Variants in RHOA observed in about 807,000 individuals in gnomAD.
RHOA encodes the protein transforming protein RhoA.
A neutral mutation model predicts 17.5 loss-of-function variants in RHOA; 3 were observed. The ratio of observed to expected loss-of-function variants is 0.17; its 90% CI spans 0.08 to 0.44. The LOEUF (loss-of-function observed/expected upper bound fraction) is 0.44. RHOA is among the 20% of genes least tolerant of loss of function. The pLI, the probability that RHOA is intolerant of heterozygous loss-of-function variation, is 0.99. For synonymous variants in RHOA, 98 were observed against 88.4 expected, an observed-to-expected ratio of 1.11 and a Z score of -0.61; for missense variants, 56 against 242.3, an observed-to-expected ratio of 0.23 and a Z score of 5.10.
At position 49,368,462 on chromosome 3, in the gene RHOA, C is replaced by T; in HGVS notation, c.243G>A (p.Leu81=). The change falls in exon 3 of 5, where the codon CTG becomes CTA. Residue 81 remains leucine, a synonymous_variant. Transcript: ENST00000418115. Reference sequence around the variant, plus strand: ...CAGGGCTGTCGATGGAAAAACACATCAGTATAACATCGGTATCTGGGTAGG... The same window carrying T: ...CAGGGCTGTCGATGGAAAAACACATTAGTATAACATCGGTATCTGGGTAGG... ...PLSYPDTDVI[L]MCFSIDSPDS... 6.2e-7 allele frequency: 1 copy of T among 1,613,994 alleles called. No individual in the cohort carries two copies. The highest frequency in any genetic ancestry group is 8.5e-7 in the Non-Finnish European group (1 of 1,179,964).
rs747662214 is a variant in RHOA at position 49,362,625 on chromosome 3, T to C, written c.279A>G (p.Glu93=). The change falls in exon 4 of 5, where the codon GAA becomes GAG. Residue 93 remains glutamate (E), a splice_region_variant and synonymous_variant. Transcript: ENST00000418115. ...CTGGGGTCCACTTTTCTGGGATGTT[T>C]TCTGAAAGAAAAATGTAGAGAATTT... ...CFSIDSPDSL[E]NIPEKWTPEV... is the part of the protein sequence containing the mutation. The C allele has an allele frequency of 7.5e-6, 12 of 1,608,204 alleles. No homozygotes were observed. The highest frequency in any genetic ancestry group is 9.3e-6 in the Non-Finnish European group (11 of 1,177,320).
intron 1 of RHOA, among the ~76,000 whole-genome samples, chr3:49,405,010 G>C (rs1238498733): frequency 8.6e-5 from 13 of 151,664 alleles, no homozygotes; most frequent in African/African-American, 2.7e-4. Context: ...CACTTTGGGA[G>C]GCGGAGGCAG....
intron 1 of RHOA, among the ~76,000 whole-genome samples, chr3:49,379,376 G>T (rs370014167): frequency 1.3e-5 from 2 of 152,214 alleles, no homozygotes; most frequent in African/African-American, 2.4e-5. Flanking sequence ...GCAGGGACTT[G>T]GGGGTGGAGA....
chr3:49,364,917 C>A (rs1214527404), intron 3 of RHOA, among the ~76,000 whole-genome samples: 1 of 151,832 alleles, frequency 6.6e-6, no homozygotes, highest in Non-Finnish European at 1.5e-5. Flanking sequence ...GTGCAGTGAG[C>A]TGAGATCGCA....
chr3:49,382,622 T>G (rs979643263), intron 1 of RHOA, among the ~76,000 whole-genome samples: 2 of 151,284 alleles, frequency 1.3e-5, no homozygotes, highest in Non-Finnish European at 2.9e-5. Flanking sequence ...AGTGACACAG[T>G]AAGACCCTGT....
intron 1 of RHOA, among the ~76,000 whole-genome samples, chr3:49,407,607 C>A (rs575726516): frequency 6.6e-6 from 1 of 152,196 alleles, no homozygotes; most frequent in Non-Finnish European, 1.5e-5. Flanking sequence ...TAGATCTACT[C>A]CTACTCACAG....
chr3:49,374,105 C>T (rs2048187118), intron 2 of RHOA, among the ~76,000 whole-genome samples: 1 of 152,028 alleles, frequency 6.6e-6, no homozygotes, highest in Non-Finnish European at 1.5e-5. Context: ...AATCCCAGCA[C>T]TTTGGGAGGC....
chr3:49,385,935 A>G (rs1342230094), intron 1 of RHOA, among the ~76,000 whole-genome samples: 1 of 152,156 alleles, frequency 6.6e-6, no homozygotes, highest in Non-Finnish European at 1.5e-5. Context: ...CCATTGGTCT[A>G]TATTGTCCAC....
intron 1 of RHOA, among the ~76,000 whole-genome samples, chr3:49,399,989 G>C (rs938949211): frequency 1.3e-5 from 2 of 151,918 alleles, no homozygotes; most frequent in Non-Finnish European, 2.9e-5. Flanking sequence ...GGGAGGCCGA[G>C]GTGGGCGAAT....
At chr3:49,378,170 T>TTAAA (rs778143146) in intron 1 of RHOA, among the ~76,000 whole-genome samples, 2 of 90,450 alleles carry the variant, frequency 2.2e-5, no homozygotes, top group African/African-American at 8.4e-5. Context: ...AACTGTGTCT[T>TTAAA]AAAAAAAAAA....
intron 1 of RHOA, among the ~76,000 whole-genome samples, chr3:49,394,574 C>T (rs926102930): frequency 2.0e-5 from 3 of 151,430 alleles, no homozygotes; most frequent in African/African-American, 7.3e-5. Flanking sequence ...TGGTCTCAAA[C>T]TCTTCACCTC....
At chr3:49,400,370 T>C (rs1278915503) in intron 1 of RHOA, among the ~76,000 whole-genome samples, 1 of 151,946 alleles carries the variant, frequency 6.6e-6, no homozygotes, top group Non-Finnish European at 1.5e-5. Flanking sequence ...CAAGGGTTGA[T>C]TCCCACTACT....
At chr3:49,370,083 A>T (rs560486580) in intron 2 of RHOA, among the ~76,000 whole-genome samples, 2 of 142,596 alleles carry the variant, frequency 1.4e-5, no homozygotes, top group Non-Finnish European at 3.1e-5. Context: ...AACTCCATTT[A>T]AAAAAAAAAA....
chr3:49,387,837 T>C (rs1222834437), intron 1 of RHOA, among the ~76,000 whole-genome samples: 1 of 152,146 alleles, frequency 6.6e-6, no homozygotes, highest in Non-Finnish European at 1.5e-5. Context: ...GTATCTTTTT[T>C]CTGTACACAC....
At chr3:49,384,206 T>C (rs1334596223) in intron 1 of RHOA, among the ~76,000 whole-genome samples, 1 of 152,148 alleles carries the variant, frequency 6.6e-6, no homozygotes, top group Non-Finnish European at 1.5e-5. Flanking sequence ...ACACAGAAGT[T>C]GAGAAGTAAA....
chr3:49,402,619 A>AGCCACG (rs1443101406), intron 1 of RHOA, among the ~76,000 whole-genome samples: 26 of 152,278 alleles, frequency 1.7e-4, no homozygotes, highest in African/African-American at 5.8e-4. Flanking sequence ...GGCTGCAGTG[A>AGCCACG]GCCACGATAG....
intron 4 of RHOA, among the ~76,000 whole-genome samples, chr3:49,362,179 T>C (rs2047983751): frequency 6.6e-6 from 1 of 151,972 alleles, no homozygotes; most frequent in Admixed American, 6.6e-5. Flanking sequence ...AGAATGAGAC[T>C]CCATATCAAA....
intron 2 of RHOA, among the ~76,000 whole-genome samples, chr3:49,374,126 A>G (rs2048187683): frequency 6.7e-6 from 1 of 149,378 alleles, no homozygotes; most frequent in African/African-American, 2.5e-5. Context: ...CGAGACGGGC[A>G]GATCACAAGA....
At chr3:49,398,173 C>G (rs1417332707) in intron 1 of RHOA, among the ~76,000 whole-genome samples, 1 of 150,910 alleles carries the variant, frequency 6.6e-6, no homozygotes, top group African/African-American at 2.4e-5. Context: ...CCACCCCGGC[C>G]AACACGGTGA....
Sources: gnomAD v4.1 joint callset for allele counts (sites outside exome capture counted in the v4.1 genomes callset) on GRCh38, gnomAD v4.1.1 for gene constraint, MANE v1.5 for transcripts, NCBI Gene and HGNC (gene_info 2026-07-23, HGNC 2026-07-21) for gene names.